Variants in SRPK2 observed in about 807,000 individuals in gnomAD.
SRPK2 encodes the protein SRSF protein kinase 2.
SRPK2 carries 21 observed loss-of-function variants against 90.8 expected under a neutral mutation model. That is an observed-to-expected ratio of 0.23 (90% CI 0.16 to 0.33). SRPK2 has a LOEUF of 0.33. Among genes scored for constraint, SRPK2 ranks in the 10% least tolerant of loss-of-function variants. The probability of loss-of-function intolerance (pLI) is 1.00; values close to 1 mark genes in which losing one functional copy is unlikely to be tolerated. For missense variants in SRPK2, 620 were observed against 869.0 expected, an observed-to-expected ratio of 0.71 and a Z score of 3.60; for synonymous variants, 288 against 311.1, an observed-to-expected ratio of 0.93 and a Z score of 0.78.
chr7:105,295,471 G>A (rs1007373746), intron 2 of SRPK2, among the ~76,000 whole-genome samples: 5 of 152,040 alleles, frequency 3.3e-5, no homozygotes, highest in Non-Finnish European at 5.9e-5. Context: ...CCACTAAAAG[G>A]AATGAAGTAT....
At chr7:105,241,957 G>A (rs1230972480) in intron 2 of SRPK2, among the ~76,000 whole-genome samples, 3 of 151,938 alleles carry the variant, frequency 2.0e-5, no homozygotes, top group Non-Finnish European at 2.9e-5. Flanking sequence ...CACTTTTACA[G>A]TCTGCCATAT....
At chr7:105,386,824 A>G (rs1821672065) in intron 2 of SRPK2, among the ~76,000 whole-genome samples, 2 of 152,236 alleles carry the variant, frequency 1.3e-5, no homozygotes, top group Non-Finnish European at 2.9e-5. Context: ...CTTACAGACT[A>G]GAGCCAGTTC....
chr7:105,370,904 C>G (rs556319346), intron 2 of SRPK2, among the ~76,000 whole-genome samples: 1 of 152,130 alleles, frequency 6.6e-6, no homozygotes, highest in Non-Finnish European at 1.5e-5. Context: ...GCATGATCTA[C>G]TGCGCCCGGC....
intron 2 of SRPK2, among the ~76,000 whole-genome samples, chr7:105,255,527 A>G (rs1041045555): frequency 5.3e-5 from 8 of 152,180 alleles, no homozygotes; most frequent in Admixed American, 4.6e-4. Context: ...CAGTTTTGAA[A>G]ACAGAACATT....
chr7:105,295,829 G>A (rs1398808136), intron 2 of SRPK2, among the ~76,000 whole-genome samples: 3 of 152,146 alleles, frequency 2.0e-5, no homozygotes, highest in Non-Finnish European at 4.4e-5. Context: ...ATTTCTCTTG[G>A]ATAACATTAG....
intron 7 of SRPK2, among the ~76,000 whole-genome samples, chr7:105,150,642 T>C (rs1267543036): frequency 6.6e-6 from 1 of 152,254 alleles, no homozygotes; most frequent in East Asian, 1.9e-4. Flanking sequence ...AATGGGCTCA[T>C]GTTATTCAAC....
At chr7:105,202,725 T>C (rs1263697772) in intron 3 of SRPK2, among the ~76,000 whole-genome samples, 1 of 152,240 alleles carries the variant, frequency 6.6e-6, no homozygotes, top group South Asian at 2.1e-4. Flanking sequence ...TGTCACACAA[T>C]GGCAGAACCC....
intron 7 of SRPK2, among the ~76,000 whole-genome samples, chr7:105,153,092 T>C (rs1455055083): frequency 6.6e-6 from 1 of 152,126 alleles, no homozygotes; most frequent in Non-Finnish European, 1.5e-5. Flanking sequence ...AGAGATCCTT[T>C]GGCTGCCAGG....
chr7:105,263,212 A>G (rs4580973), intron 2 of SRPK2, among the ~76,000 whole-genome samples: 67,813 of 151,386 alleles, frequency 0.45, 16,160 homozygotes, highest in South Asian at 0.53. Flanking sequence ...AATCCCAGCT[A>G]CTCTGGAGGC....
At position 105,359,548 on chromosome 7, in the gene SRPK2, T is replaced by C. The variant is rs777847612; in HGVS notation, c.71+29100A>G. ...AGACGTCAAAAGCAGTCTTCAATAATCAGAACGCCTCTGCTTAATTGTCTA... is the reference window on the plus strand; with the variant it reads ...AGACGTCAAAAGCAGTCTTCAATAACCAGAACGCCTCTGCTTAATTGTCTA... On this transcript the variant is annotated intron_variant, in intron 2 of 15. Transcript: ENST00000393651. 9.9e-5 allele frequency among the ~76,000 whole-genome samples: 15 copies of C among 152,172 alleles called. No individual in the cohort carries two copies. The South Asian group carries it at 1.2e-3, about 13-fold the overall frequency.
intron 2 of SRPK2, among the ~76,000 whole-genome samples, chr7:105,348,217 A>AT: frequency 1.3e-5 from 2 of 151,478 alleles, no homozygotes; most frequent in South Asian, 4.2e-4. Context: ...GATTACAGGC[A>AT]TGGGCCACCA....
intron 2 of SRPK2, among the ~76,000 whole-genome samples, chr7:105,269,905 T>A (rs1291900997): frequency 3.9e-5 from 6 of 152,230 alleles, no homozygotes; most frequent in Non-Finnish European, 5.9e-5. Flanking sequence ...AAAGTTCACA[T>A]ACTAAAAAAT....
At chr7:105,395,951 T>C (rs116195954) in intron 1 of SRPK2, among the ~76,000 whole-genome samples, 2,280 of 152,274 alleles carry the variant, frequency 0.015, 32 homozygotes, top group African/African-American at 0.039. Flanking sequence ...GTTTCACTCT[T>C]GTTGCTCGGG....
chr7:105,205,517 T>TCTCTCA (rs1491532268), intron 2 of SRPK2, among the ~76,000 whole-genome samples: 3 of 95,886 alleles, frequency 3.1e-5, no homozygotes, highest in African/African-American at 1.1e-4. Flanking sequence ...TCTCTCTCTC[T>TCTCTCA]CACACACACA....
chr7:105,256,801 T>C (rs1227516283), intron 2 of SRPK2, among the ~76,000 whole-genome samples: 6 of 152,188 alleles, frequency 3.9e-5, no homozygotes, highest in African/African-American at 1.2e-4. Context: ...CACATCTAGA[T>C]GGTGTCATCA....
chr7:105,139,581 A>G (rs1196018163), intron 11 of SRPK2, among the ~76,000 whole-genome samples: 1 of 152,178 alleles, frequency 6.6e-6, no homozygotes, highest in Admixed American at 6.5e-5. Context: ...TGTCATGTAA[A>G]CAATAGGATA....
At chr7:105,321,418 C>G (rs1812923918) in intron 2 of SRPK2, among the ~76,000 whole-genome samples, 1 of 152,138 alleles carries the variant, frequency 6.6e-6, no homozygotes, top group Non-Finnish European at 1.5e-5. Context: ...GGTATGACAA[C>G]AGATTCTTAG....
At chr7:105,289,204 G>T (rs1197371126) in intron 2 of SRPK2, among the ~76,000 whole-genome samples, 1 of 151,468 alleles carries the variant, frequency 6.6e-6, no homozygotes, top group Admixed American at 6.6e-5. Flanking sequence ...AACCCAGGAG[G>T]TGGAGCTTGC....
intron 2 of SRPK2, among the ~76,000 whole-genome samples, chr7:105,292,196 C>T (rs1472765750): frequency 6.6e-6 from 1 of 152,078 alleles, no homozygotes; most frequent in Non-Finnish European, 1.5e-5. Flanking sequence ...CTAAATTGAA[C>T]TATTCATGTC....
Sources: gnomAD v4.1 joint callset for allele counts (sites outside exome capture counted in the v4.1 genomes callset) on GRCh38, gnomAD v4.1.1 for gene constraint, MANE v1.5 for transcripts, NCBI Gene and HGNC (gene_info 2026-07-23, HGNC 2026-07-21) for gene names.